Variants in PRKAR1A observed in about 807,000 individuals in gnomAD.
PRKAR1A encodes cAMP-dependent protein kinase type I-alpha regulatory subunit.
In PRKAR1A, 3 loss-of-function variants were observed where a neutral mutation model predicts 52.0. The observed-to-expected ratio is 0.06, with a 90% CI of 0.03 to 0.15. The LOEUF is 0.15. PRKAR1A is among the 10% of genes least tolerant of loss of function. The pLI is 1.00. For missense variants in PRKAR1A, 240 were observed against 477.4 expected, an observed-to-expected ratio of 0.50 and a Z score of 4.63; for synonymous variants, 188 against 168.4, an observed-to-expected ratio of 1.12 and a Z score of -0.90.
Position 68,530,744 on chromosome 17 carries a change from C to T in PRKAR1A, c.*295C>T. ...TGAGTGCCATGCTTTTTGGTGAGGG[C>T]AGATCCCAGCACCTATTGAATTACC... is the stretch of plus-strand genomic sequence containing the variant. On this transcript the variant is annotated 3_prime_UTR_variant, in exon 11 of 11. Transcript: ENST00000589228. The T allele has an allele frequency of 1.5e-6, 2 of 1,336,084 alleles. No homozygotes were observed. Among genetic ancestry groups the T allele is most frequent in the East Asian group, 3.1e-5 (1 of 31,826 alleles). 82.8% of individuals were successfully genotyped at this position (1,336,084 alleles called of 1,614,324 possible). A position where few individuals can be genotyped will look rare whatever the true frequency, so the allele number is the denominator to read the frequency against.
chr17:68,551,059 C>T (rs1350121932), intron 11 of PRKAR1A: 1 of 1,233,938 alleles, frequency 8.1e-7, no homozygotes, highest in African/African-American at 1.5e-5. Context: ...CGTGGCCCCT[C>T]TTGGGGCGAT....
the PRKAR1A span, chr17:68,430,109 C>T: frequency 1.2e-6 from 2 of 1,614,082 alleles, no homozygotes; most frequent in Admixed American, 1.7e-5. Context: ...TGGTAGCAGC[C>T]ATAAACATCT....
chr17:68,427,109 C>A, the PRKAR1A span: 1 of 1,583,922 alleles, frequency 6.3e-7, no homozygotes, highest in Non-Finnish European at 8.7e-7. Context: ...TGGAGATGCT[C>A]CCCTGTTGGC....
At chr17:68,469,095 C>T in the PRKAR1A span, among the ~76,000 whole-genome samples, 157 of 152,224 alleles carry the variant, frequency 1.0e-3, no homozygotes, top group Non-Finnish European at 1.7e-3. Flanking sequence ...TGAAAGAGTC[C>T]TGCTTCAGTG....
intron 7 of PRKAR1A, 25 bp downstream of exon 7, chr17:68,525,937 T>A (rs891775791): frequency 1.2e-6 from 2 of 1,611,958 alleles, no homozygotes; most frequent in African/African-American, 1.3e-5. Flanking sequence ...TGTTTGAGAG[T>A]GTGATTTAGA....
chr17:68,464,362 T>C, the PRKAR1A span, among the ~76,000 whole-genome samples: 4 of 152,206 alleles, frequency 2.6e-5, no homozygotes, highest in Non-Finnish European at 4.4e-5. Context: ...AAAAAGCCCT[T>C]TCCCACAGCC....
chr17:68,506,180 CT>C, the PRKAR1A span, among the ~76,000 whole-genome samples: 8 of 152,190 alleles, frequency 5.3e-5, no homozygotes, highest in East Asian at 1.9e-4. Context: ...CCCCTCCCCC[CT>C]ACCACAGGCC....
At chr17:68,526,284 T>G (rs2085787971) in intron 7 of PRKAR1A, among the ~76,000 whole-genome samples, 1 of 152,226 alleles carries the variant, frequency 6.6e-6, no homozygotes, top group Non-Finnish European at 1.5e-5. Context: ...TTGGGGCCAT[T>G]CAGAAATAAT....
the PRKAR1A span, among the ~76,000 whole-genome samples, chr17:68,481,258 A>G: frequency 6.6e-6 from 1 of 152,352 alleles, no homozygotes; most frequent in East Asian, 1.9e-4. Flanking sequence ...TTTTTCCATC[A>G]ACCAAGGTAA....
At chr17:68,426,253 G>GGGGAGGT in the PRKAR1A span, 1 of 841,018 alleles carries the variant, frequency 1.2e-6, no homozygotes. Flanking sequence ...GGGGAGCGGG[G>GGGGAGGT]GCTCAAATAA....
At chr17:68,458,267 T>C in the PRKAR1A span, among the ~76,000 whole-genome samples, 2 of 152,214 alleles carry the variant, frequency 1.3e-5, no homozygotes, top group African/African-American at 4.8e-5. Context: ...GTGCTCAATA[T>C]ACAGAAGAGG....
chr17:68,437,014 A>ATGTGTGTGTGTGTGTG, the PRKAR1A span, among the ~76,000 whole-genome samples: 7 of 82,090 alleles, frequency 8.5e-5, no homozygotes, highest in East Asian at 2.4e-4. Flanking sequence ...AAATATATAT[A>ATGTGTGTGTGTGTGTG]TATGTGTGTG....
At chr17:68,499,049 A>G in the PRKAR1A span, among the ~76,000 whole-genome samples, 1 of 152,172 alleles carries the variant, frequency 6.6e-6, no homozygotes, top group African/African-American at 2.4e-5. Flanking sequence ...GTACCTCAAA[A>G]GGTGCTGTGA....
the PRKAR1A span, among the ~76,000 whole-genome samples, chr17:68,417,127 T>C: frequency 1.3e-5 from 2 of 152,164 alleles, no homozygotes; most frequent in Non-Finnish European, 2.9e-5. Flanking sequence ...CTTAGTAGTT[T>C]TGGTGAGCCT....
chr17:68,471,539 T>C, the PRKAR1A span, among the ~76,000 whole-genome samples: 2 of 152,150 alleles, frequency 1.3e-5, no homozygotes, highest in African/African-American at 4.8e-5. Context: ...TCACAGCCAA[T>C]TCAAAATGGC....
At chr17:68,421,403 A>G in the PRKAR1A span, 1 of 233,438 alleles carries the variant, frequency 4.3e-6, no homozygotes. Flanking sequence ...AGTATGTAAT[A>G]TACAAGAAAT....
At chr17:68,539,919 C>T (rs1397452498) in intron 11 of PRKAR1A, 4 of 1,614,206 alleles carry the variant, frequency 2.5e-6, no homozygotes, top group Admixed American at 1.7e-5. Flanking sequence ...AGGAACCCAT[C>T]ATCCCCGAAC....
At chr17:68,466,773 A>C in the PRKAR1A span, among the ~76,000 whole-genome samples, 44 of 152,124 alleles carry the variant, frequency 2.9e-4, no homozygotes, top group Non-Finnish European at 4.9e-4. Context: ...TATTGAAGTG[A>C]AATTTACATA....
At position 68,525,923 on chromosome 17, in the gene PRKAR1A, A is replaced by G. The variant is rs773412548; in HGVS notation, c.708+11A>G. 2.4e-5 allele frequency: 39 copies of G among 1,613,478 alleles called. No homozygotes were observed. Among genetic ancestry groups the G allele is most frequent in the Non-Finnish European group, 3.2e-5 (38 of 1,179,678 alleles). ...AGAAGAATCCTCATGGTAAGAGACC[A>G]TGGTGTTTGAGAGTGTGATTTAGAA... On this transcript the variant is annotated intron_variant, in intron 7 of 10. Transcript: ENST00000589228.
Sources: gnomAD v4.1 joint callset for allele counts (sites outside exome capture counted in the v4.1 genomes callset) on GRCh38, gnomAD v4.1.1 for gene constraint, MANE v1.5 for transcripts, NCBI Gene and HGNC (gene_info 2026-07-23, HGNC 2026-07-21) for gene names.